The following DCAKD variants were observed in gnomAD, a reference collection of about 807,000 sequenced individuals.
DCAKD encodes dephospho-CoA kinase domain containing.
DCAKD carries 15 observed loss-of-function variants against 18.7 expected under a neutral mutation model. The observed-to-expected ratio is 0.80, with a 90% confidence interval of 0.54 to 1.24. The LOEUF is 1.24. Ranked by LOEUF, DCAKD falls within the 50% of genes most tolerant of loss-of-function variation. The pLI is 0.00. For synonymous variants in DCAKD, 130 were observed against 133.0 expected, an observed-to-expected ratio of 0.98 and a Z score of 0.16; for missense variants, 301 against 322.0, an observed-to-expected ratio of 0.93 and a Z score of 0.50.
In DCAKD at chr17:45,035,050, G is replaced by C. The variant is rs990158525; in HGVS notation, c.-114-51C>G. 15 of 647,006 alleles carry C rather than the reference G, an allele frequency of 2.3e-5. No individual in the cohort carries two copies. In the Admixed American group the frequency reaches 4.1e-4, roughly 18 times the overall value. The allele number at this position is 647,006 out of a possible 1,614,324, so 40.1% of individuals were successfully genotyped here. The stretch of plus-strand genomic sequence containing the variant: ...GATCAGTTTGGGCCAAAATAATTGG[G>C]AGAGAGGAGGCAAAGGAAGTAAAGG... On this transcript the variant is annotated intron_variant, in intron 1 of 4. Transcript: ENST00000651974.
At chr17:45,048,832 A>C (rs1384548737) in intron 1 of DCAKD, among the ~76,000 whole-genome samples, 1 of 151,652 alleles carries the variant, frequency 6.6e-6, no homozygotes, top group Non-Finnish European at 1.5e-5. Context: ...AGAACCATAA[A>C]AATAGCCAAC....
At position 45,034,291 on chromosome 17, in the gene DCAKD, T is replaced by C; in HGVS notation, c.212A>G (p.Asp71Gly). The C allele has an allele frequency of 6.2e-7, 1 of 1,613,838 alleles. No individual in the cohort carries two copies. Among genetic ancestry groups the C allele is most frequent in the Non-Finnish European group, 8.5e-7 (1 of 1,179,926 alleles). The change falls in exon 3 of 5, where the codon GAC (aspartate) becomes GGC (glycine). Residue 71 changes from aspartate (D) to glycine (G), a missense_variant. Transcript: ENST00000651974. Reference protein sequence around the residue: ...NGDINRKVLGDLIFNQPDRRQ... With the variant: ...NGDINRKVLGGLIFNQPDRRQ... ...CCGGTCAGGCTGGTTAAAGATCAGG[T>C]CCCCCAGGACCTTGCGATTTATGTC...
At chr17:45,042,030 T>G (rs1401404027) in intron 1 of DCAKD, among the ~76,000 whole-genome samples, 1 of 151,720 alleles carries the variant, frequency 6.6e-6, no homozygotes, top group African/African-American at 2.4e-5. Flanking sequence ...ATGGGAGGAC[T>G]GCTTGAGCCC....
intron 1 of DCAKD, among the ~76,000 whole-genome samples, chr17:45,048,065 T>C (rs2053610790): frequency 6.6e-6 from 1 of 152,082 alleles, no homozygotes; most frequent in Admixed American, 6.6e-5. Context: ...CAGAGAAATA[T>C]GATAAACCAA....
intron 1 of DCAKD, among the ~76,000 whole-genome samples, chr17:45,039,697 G>A (rs553052743): frequency 2.0e-4 from 31 of 152,196 alleles, no homozygotes; most frequent in Non-Finnish European, 3.8e-4. Flanking sequence ...CCCCACACTT[G>A]TGAGTGAGAG....
At chr17:45,049,007 A>G (rs2143369177) in intron 1 of DCAKD, among the ~76,000 whole-genome samples, 1 of 151,342 alleles carries the variant, frequency 6.6e-6, no homozygotes, top group East Asian at 2.0e-4. Context: ...GCTTGAGCCC[A>G]AGAGGTCAAG....
intron 1 of DCAKD, among the ~76,000 whole-genome samples, chr17:45,039,526 T>C (rs2053380119): frequency 6.6e-6 from 1 of 152,200 alleles, no homozygotes; most frequent in Non-Finnish European, 1.5e-5. Context: ...TGAAAGGCTG[T>C]GGACTGGAAG....
At position 45,030,081 on chromosome 17, in the gene DCAKD, T is replaced by C; in HGVS notation, c.404+11A>G. 3 of 1,611,004 alleles carry C rather than the reference T, an allele frequency of 1.9e-6. No individual in the cohort carries two copies. Among genetic ancestry groups the C allele is most frequent in the Non-Finnish European group, 2.5e-6 (3 of 1,177,332 alleles). The stretch of plus-strand genomic sequence containing the variant: ...GTCCTCCCTTCCAGCCAGGGCATGC[T>C]ACACACTCACCAGTATACTACCACG... On this transcript the variant is annotated intron_variant, in intron 4 of 4. Coordinates refer to ENST00000651974, the MANE Select transcript of DCAKD (RefSeq NM_001288655.2).
At chr17:45,046,722 TGA>T (rs932289200) in intron 1 of DCAKD, among the ~76,000 whole-genome samples, 3 of 151,936 alleles carry the variant, frequency 2.0e-5, no homozygotes, top group Admixed American at 6.6e-5. Context: ...GAAGATTTTC[TGA>T]GAGGCACAAA....
At chr17:45,052,695 C>CA (rs111575713), upstream of DCAKD, among the ~76,000 whole-genome samples, 24,672 of 123,314 alleles carry the variant, frequency 0.2, 2,279 homozygotes, top group Admixed American at 0.26. Context: ...CCGATCTCTA[C>CA]AAAAAAAAAA....
chr17:45,033,797 G>A, intron 3 of DCAKD: 1 of 1,069,746 alleles, frequency 9.3e-7, no homozygotes, highest in Non-Finnish European at 1.2e-6. Flanking sequence ...CTGCACAAAT[G>A]AAAAAATGAG....
At chr17:45,035,740 C>T (rs989178157) in intron 1 of DCAKD, among the ~76,000 whole-genome samples, 2 of 152,140 alleles carry the variant, frequency 1.3e-5, no homozygotes, top group Admixed American at 6.5e-5. Flanking sequence ...AATGGCCTGC[C>T]TGCAGCCATC....
At chr17:45,051,653 C>T (rs2053700754), upstream of DCAKD, 1 of 146,326 alleles carries the variant, frequency 6.8e-6, no homozygotes, top group South Asian at 2.2e-4. Context: ...GAGCGCGCGC[C>T]TGCAGACCGG....
At chr17:45,049,713 C>CTTTTTTTTTTTTT (rs57106886) in intron 1 of DCAKD, among the ~76,000 whole-genome samples, 6 of 111,874 alleles carry the variant, frequency 5.4e-5, no homozygotes, top group Non-Finnish European at 7.0e-5. Context: ...TTTTCTTTTC[C>CTTTTTTTTTTTTT]TTTTTTTTTT....
upstream of DCAKD, chr17:45,051,735 G>A (rs563065735): frequency 1.1e-4 from 3 of 26,124 alleles, no homozygotes; most frequent in Admixed American, 7.9e-4. Context: ...GGGCGGGCGG[G>A]GCCGGGAGAG....
intron 1 of DCAKD, among the ~76,000 whole-genome samples, chr17:45,036,821 GTC>G (rs1273943951): frequency 1.3e-5 from 2 of 152,170 alleles, no homozygotes; most frequent in African/African-American, 4.8e-5. Context: ...CAAAGGCCAG[GTC>G]TCTCCCACCC....
intron 1 of DCAKD, among the ~76,000 whole-genome samples, chr17:45,041,510 C>T (rs2053436901): frequency 6.6e-6 from 1 of 151,932 alleles, no homozygotes; most frequent in Non-Finnish European, 1.5e-5. Flanking sequence ...CGGGGTTTCA[C>T]CATGTTAGCC....
upstream of DCAKD, among the ~76,000 whole-genome samples, chr17:45,053,169 T>TAAAAAA (rs760029893): frequency 1.3e-5 from 1 of 75,736 alleles, no homozygotes; most frequent in East Asian, 6.2e-4. Flanking sequence ...TGTCTCCAGT[T>TAAAAAA]AAAAAAAAAA....
intron 4 of DCAKD, among the ~76,000 whole-genome samples, chr17:45,028,409 CTTTTTTTTT>C (rs545681429): frequency 2.3e-5 from 3 of 132,760 alleles, no homozygotes; most frequent in African/African-American, 5.6e-5. Flanking sequence ...CACACCCGGC[CTTTTTTTTT>C]TTTTTTTTGA....
Sources: gnomAD v4.1 joint callset for allele counts (sites outside exome capture counted in the v4.1 genomes callset) on GRCh38, gnomAD v4.1.1 for gene constraint, MANE v1.5 for transcripts, NCBI Gene and HGNC (gene_info 2026-07-23, HGNC 2026-07-21) for gene names.